PEPD: variants seen among roughly 807,000 people sequenced by gnomAD.
PEPD encodes peptidase D.
In PEPD, 53 loss-of-function variants were observed where a neutral mutation model predicts 60.7. The observed-to-expected ratio is 0.87, with a 90% CI of 0.70 to 1.10. The LOEUF is 1.10. Among genes scored for constraint, PEPD ranks in the 50% least tolerant of loss-of-function variants. PEPD has a pLI of 0.00. For missense variants in PEPD, 711 were observed against 711.9 expected (o/e 1.00, Z 0.01); for synonymous variants, 267 against 284.1 (o/e 0.94, Z 0.60).
At chr19:33,402,924 C>G (rs1259056048) in intron 11 of PEPD, among the ~76,000 whole-genome samples, 3 of 152,182 alleles carry the variant, frequency 2.0e-5, no homozygotes, top group Admixed American at 1.3e-4. Flanking sequence ...TAAGAGGGAC[C>G]CTTGGCACAG....
At chr19:33,438,675 TGAC>T (rs1215987753) in intron 9 of PEPD, among the ~76,000 whole-genome samples, 1 of 152,226 alleles carries the variant, frequency 6.6e-6, no homozygotes, top group African/African-American at 2.4e-5. Flanking sequence ...AGCTGAACTG[TGAC>T]ACCTCAGTAC....
intron 9 of PEPD, among the ~76,000 whole-genome samples, chr19:33,434,912 G>C (rs1969345540): frequency 6.6e-6 from 1 of 152,078 alleles, no homozygotes; most frequent in Non-Finnish European, 1.5e-5. Flanking sequence ...GTTAAGGTTG[G>C]GGGGTGGTGG....
At chr19:33,500,808 C>A in intron 4 of PEPD, 130 bp downstream of exon 4, 1 of 758,876 alleles carries the variant, frequency 1.3e-6, no homozygotes, top group Non-Finnish European at 2.4e-6. Flanking sequence ...ACCTGCGGCG[C>A]AGGGACTGGT....
chr19:33,505,297 G>C (rs1456160760), intron 3 of PEPD, among the ~76,000 whole-genome samples: 1 of 152,020 alleles, frequency 6.6e-6, no homozygotes, highest in Admixed American at 6.6e-5. Flanking sequence ...GTGGAAGCCG[G>C]CAGCCATCTG....
At chr19:33,389,765 G>A (rs1331148053) in intron 13 of PEPD, among the ~76,000 whole-genome samples, 6 of 152,260 alleles carry the variant, frequency 3.9e-5, no homozygotes, top group African/African-American at 1.2e-4. Context: ...GTGGGGTGGG[G>A]GAGATTAGAA....
chr19:33,458,418 G>A (rs975618527), intron 9 of PEPD, among the ~76,000 whole-genome samples: 8 of 150,652 alleles, frequency 5.3e-5, no homozygotes, highest in East Asian at 4.0e-4. Flanking sequence ...TGTGTATGGC[G>A]TGTCATATGT....
rs7254470 is a variant in PEPD, at chr19:33,412,603, G to T, written c.741-854C>A. Among the ~76,000 whole-genome samples, 198 of 152,344 alleles carry T rather than the reference G, an allele frequency of 1.3e-3. 1 individual carries two copies. Among genetic ancestry groups the T allele is most frequent in the African/African-American group, 4.7e-3 (194 of 41,582 alleles). ...AAAGGACTTTTAAGTCTGTCCAAAG[G>T]GGGGAAGGAAACCCCCACCTGGGTG... is the stretch of plus-strand genomic sequence containing the variant. On this transcript the variant is annotated intron_variant, in intron 10 of 14. Coordinates refer to ENST00000244137, the MANE Select transcript of PEPD (RefSeq NM_000285.4).
intron 7 of PEPD, among the ~76,000 whole-genome samples, chr19:33,471,535 CT>C (rs1970120071): frequency 6.6e-6 from 1 of 152,194 alleles, no homozygotes; most frequent in Non-Finnish European, 1.5e-5. Context: ...CCACCGGCCC[CT>C]GGAGTGAGAG....
intron 9 of PEPD, among the ~76,000 whole-genome samples, chr19:33,458,247 C>T (rs543160448): frequency 8.5e-4 from 125 of 147,712 alleles, no homozygotes; most frequent in Admixed American, 2.0e-3. Context: ...ATGTGGCATG[C>T]GATGTGTGGT....
rs375061486 is a variant in PEPD, at chr19:33,413,623, T to C, written c.692A>G (p.Tyr231Cys). The C allele has an allele frequency of 3.1e-6, 5 of 1,587,652 alleles. No homozygotes were observed. The highest frequency in any genetic ancestry group is 2.3e-5 in the East Asian group (1 of 43,722). Residue 231 changes from tyrosine to cysteine, a missense_variant, in exon 10 of 15, where the codon TAC becomes TGC. Coordinates refer to ENST00000244137, the MANE Select transcript of PEPD (RefSeq NM_000285.4). ...GCTGTGGCGCATGCCGCCCCGGGAG[T>C]AGCAGTAGTGCTCGAAGAGGCTGCA... ...ELESLFEHYCYSRGGMRHSSY... is the reference protein window; with the variant it reads ...ELESLFEHYCCSRGGMRHSSY...
At chr19:33,409,222 G>A (rs979897391) in intron 11 of PEPD, among the ~76,000 whole-genome samples, 1 of 152,240 alleles carries the variant, frequency 6.6e-6, no homozygotes, top group Non-Finnish European at 1.5e-5. Context: ...AAAAGCTCAT[G>A]GCCACGTGGC....
intron 3 of PEPD, 61 bp downstream of exon 3, chr19:33,510,967 C>A: frequency 2.6e-6 from 4 of 1,551,750 alleles, no homozygotes; most frequent in Non-Finnish European, 2.6e-6. Context: ...CATCCCACCT[C>A]CCCTACCCAC....
intron 12 of PEPD, among the ~76,000 whole-genome samples, chr19:33,401,122 C>T (rs1202134753): frequency 2.0e-5 from 3 of 152,314 alleles, no homozygotes; most frequent in African/African-American, 7.2e-5. Flanking sequence ...CCTACGCTGG[C>T]CGCTGGGAGA....
At chr19:33,509,298 G>T (rs1046618580) in intron 3 of PEPD, among the ~76,000 whole-genome samples, 1 of 152,160 alleles carries the variant, frequency 6.6e-6, no homozygotes, top group African/African-American at 2.4e-5. Flanking sequence ...CCCAGGGGCC[G>T]AGCCAGGAGA....
intron 11 of PEPD, among the ~76,000 whole-genome samples, chr19:33,406,856 G>A (rs897723647): frequency 2.6e-5 from 4 of 152,128 alleles, no homozygotes; most frequent in Non-Finnish European, 4.4e-5. Flanking sequence ...AGCCAGGGAA[G>A]GAGGGGAAGA....
At position 33,413,569 on chromosome 19, in the gene PEPD, G is replaced by C; in HGVS notation, c.740+6C>G. ...ACCCCCAGGGGAGCCAGGGTGCCCC[G>C]CTTACCTGCCGCAGATGCAGGTGTA... On this transcript the variant is annotated splice_donor_region_variant and intron_variant, in intron 10 of 14. Coordinates refer to ENST00000244137, the MANE Select transcript of PEPD (RefSeq NM_000285.4). The C allele has an allele frequency of 6.5e-7, 1 of 1,547,790 alleles. No homozygotes were observed. Among genetic ancestry groups the C allele is most frequent in the Non-Finnish European group, 8.8e-7 (1 of 1,138,798 alleles).
chr19:33,413,544 A>AC, intron 10 of PEPD, 31 bp downstream of exon 10: 2 of 1,365,556 alleles, frequency 1.5e-6, no homozygotes, highest in South Asian at 1.2e-5. Flanking sequence ...CCCACTGGTC[A>AC]CCCCCAGGGG....
Position 33,445,633 on chromosome 19 carries a change from A to G in PEPD, c.671+17362T>C, listed in dbSNP as rs528602070. On this transcript the variant is annotated intron_variant, in intron 9 of 14. Coordinates refer to ENST00000244137, the MANE Select transcript of PEPD (RefSeq NM_000285.4). ...TGATCTTGGACTTCCAGCCACCAGA[A>G]GGGTGAGAAAACACATTTCTGTTGC... is the stretch of plus-strand genomic sequence containing the variant. 5.3e-5 allele frequency among the ~76,000 whole-genome samples: 8 copies of G among 152,342 alleles called. 1 individual carries two copies. In the South Asian group the frequency reaches 1.7e-3, roughly 32 times the overall value.
At chr19:33,462,888 G>A (rs925590937) in intron 9 of PEPD, 107 bp downstream of exon 9, 12 of 793,110 alleles carry the variant, frequency 1.5e-5, no homozygotes, top group Admixed American at 3.4e-5. Flanking sequence ...CATAATCTCC[G>A]CTCACGGTGT....
Sources: gnomAD v4.1 joint callset for allele counts (sites outside exome capture counted in the v4.1 genomes callset) on GRCh38, gnomAD v4.1.1 for gene constraint, MANE v1.5 for transcripts, NCBI Gene and HGNC (gene_info 2026-07-23, HGNC 2026-07-21) for gene names.